DKK4: variants seen among roughly 807,000 people sequenced by gnomAD.
The protein encoded by DKK4 is dickkopf-related protein 4.
DKK4 carries 15 observed loss-of-function variants against 14.5 expected under a neutral mutation model. That is an observed-to-expected ratio of 1.03 (90% CI 0.69 to 1.59). DKK4 has a LOEUF of 1.59. DKK4 is among the 40% of genes most tolerant of loss of function. The probability of loss-of-function intolerance (pLI) is 0.00; values close to 1 mark genes in which losing one functional copy is unlikely to be tolerated. For missense variants in DKK4, 272 were observed against 280.3 expected (o/e 0.97, Z 0.21); for synonymous variants, 89 against 105.2 (o/e 0.85, Z 0.94).
Position 42,374,114 on chromosome 8 carries a change from T to C in DKK4, c.661A>G (p.Ile221Val). Residue 221 changes from isoleucine to valine, a missense_variant, in exon 4 of 4, where the codon ATA (isoleucine) becomes GTA (valine). Transcript: ENST00000220812. ...QHARLRVCQK[I>V]EKL ...TTTTGAAATATTTATAGCTTTTCTA[T>C]TTTTTGGCATACTCTTAATCGAGCA... is the stretch of plus-strand genomic sequence containing the variant. 6.2e-7 allele frequency: 1 copy of C among 1,611,506 alleles called. No individual in the cohort carries two copies. The highest frequency in any genetic ancestry group is 2.1e-4 in the Middle Eastern group (1 of 4,710).
chr8:42,374,443 C>T, intron 3 of DKK4, 84 bp from the exon 4 acceptor site: 1 of 1,541,070 alleles, frequency 6.5e-7, no homozygotes. Flanking sequence ...GGGAATGGGA[C>T]CTATGACTGA....
At chr8:42,385,646 G>A in the DKK4 span, among the ~76,000 whole-genome samples, 1 of 151,960 alleles carries the variant, frequency 6.6e-6, no homozygotes, top group Non-Finnish European at 1.5e-5. Context: ...AAAGAGTGAG[G>A]TGCACATTCA....
At chr8:42,387,924 T>C in the DKK4 span, among the ~76,000 whole-genome samples, 4 of 152,184 alleles carry the variant, frequency 2.6e-5, no homozygotes, top group Admixed American at 2.0e-4. Flanking sequence ...AGGATCTTGG[T>C]CTGTCACTCA....
intron 1 of DKK4, among the ~76,000 whole-genome samples, chr8:42,376,131 G>A (rs979706355): frequency 6.6e-6 from 1 of 152,190 alleles, no homozygotes; most frequent in Non-Finnish European, 1.5e-5. Context: ...GTCTTAACAG[G>A]TGAGTATGAG....
At chr8:42,382,914 G>A in the DKK4 span, among the ~76,000 whole-genome samples, 13 of 152,164 alleles carry the variant, frequency 8.5e-5, no homozygotes, top group Non-Finnish European at 1.5e-4. Context: ...GTCCTCCCGC[G>A]TGACAGCTGC....
the DKK4 span, among the ~76,000 whole-genome samples, chr8:42,386,981 T>TG: frequency 6.6e-6 from 1 of 152,210 alleles, no homozygotes; most frequent in Non-Finnish European, 1.5e-5. Flanking sequence ...GGGGTTACCT[T>TG]GGCTCAGCGG....
the DKK4 span, among the ~76,000 whole-genome samples, chr8:42,388,110 G>A: frequency 6.6e-6 from 1 of 152,148 alleles, no homozygotes; most frequent in Non-Finnish European, 1.5e-5. Context: ...ATGTTGCTCA[G>A]CCTACACTTG....
In DKK4 at chr8:42,376,950, C is replaced by A. The variant is rs1358195518; in HGVS notation, c.96G>T (p.Leu32=). The A allele has an allele frequency of 2.5e-6, 4 of 1,613,698 alleles. No individual in the cohort carries two copies. The highest frequency in any genetic ancestry group is 1.6e-4 in the Middle Eastern group (1 of 6,062). ...DFNNIRSSAD[L]HGARKGSQCL... The stretch of plus-strand genomic sequence containing the variant: ...GCAGCCTTACCTTCCGGGCCCCATG[C>A]AGGTCAGCAGAGCTCCTGATGTTGT... The change falls in exon 1 of 4, where the codon CTG becomes CTT. Residue 32 remains leucine, a synonymous_variant. Transcript: ENST00000220812.
chr8:42,389,663 C>CA, the DKK4 span, among the ~76,000 whole-genome samples: 42 of 152,002 alleles, frequency 2.8e-4, 1 homozygote, highest in Admixed American at 2.7e-3. Context: ...CTTTTTATTT[C>CA]AAAAAAAATT....
chr8:42,382,971 C>T, the DKK4 span, among the ~76,000 whole-genome samples: 1 of 152,158 alleles, frequency 6.6e-6, no homozygotes, highest in Admixed American at 6.5e-5. Flanking sequence ...TATTTATACT[C>T]ACTCGGGAAT....
At chr8:42,391,280 C>T in the DKK4 span, among the ~76,000 whole-genome samples, 1 of 148,584 alleles carries the variant, frequency 6.7e-6, no homozygotes, top group African/African-American at 2.5e-5. Flanking sequence ...GATCCCAGCA[C>T]TCTGGTAGGC....
upstream of DKK4, among the ~76,000 whole-genome samples, chr8:42,380,804 AAAGGAAGG>A (rs71221208): frequency 0.23 from 31,056 of 137,972 alleles, 7,273 homozygotes; most frequent in African/African-American, 0.62. Flanking sequence ...AAGAAAAAGA[AAAGGAAGG>A]AAGGAAGGAA....
intron 1 of DKK4, among the ~76,000 whole-genome samples, chr8:42,376,378 G>C (rs1161495114): frequency 6.6e-6 from 1 of 152,132 alleles, no homozygotes; most frequent in Non-Finnish European, 1.5e-5. Flanking sequence ...TACAACGTAG[G>C]TGTAGCATAT....
chr8:42,385,666 GCA>G, the DKK4 span, among the ~76,000 whole-genome samples: 2 of 152,058 alleles, frequency 1.3e-5, 1 homozygote, highest in South Asian at 4.1e-4. Flanking sequence ...AGAAGGCCCA[GCA>G]CAAAGTCCAG....
At chr8:42,381,960 G>A (rs1824686908), upstream of DKK4, among the ~76,000 whole-genome samples, 2 of 152,126 alleles carry the variant, frequency 1.3e-5, no homozygotes, top group African/African-American at 2.4e-5. Context: ...CTACACTACT[G>A]CACTCCAGCC....
At chr8:42,380,525 A>G (rs1824654021), upstream of DKK4, among the ~76,000 whole-genome samples, 1 of 149,208 alleles carries the variant, frequency 6.7e-6, no homozygotes. Flanking sequence ...AAGAAAAAAG[A>G]GAGGAAGGAA....
chr8:42,376,299 C>T (rs1824563151), intron 1 of DKK4, among the ~76,000 whole-genome samples: 1 of 152,134 alleles, frequency 6.6e-6, no homozygotes, highest in East Asian at 1.9e-4. Flanking sequence ...AATGATGCCT[C>T]ATTGACATAG....
upstream of DKK4, among the ~76,000 whole-genome samples, chr8:42,377,768 C>T (rs1380961811): frequency 2.0e-5 from 3 of 152,174 alleles, no homozygotes; most frequent in Non-Finnish European, 2.9e-5. Flanking sequence ...AAGTTGTGAA[C>T]GTAACAGCAC....
At chr8:42,390,356 T>TA in the DKK4 span, among the ~76,000 whole-genome samples, 1 of 143,558 alleles carries the variant, frequency 7.0e-6, no homozygotes, top group Non-Finnish European at 1.5e-5. Context: ...ATCTTTTGCT[T>TA]CCTTTTTTTT....
Sources: gnomAD v4.1 joint callset for allele counts (sites outside exome capture counted in the v4.1 genomes callset) on GRCh38, gnomAD v4.1.1 for gene constraint, MANE v1.5 for transcripts, NCBI Gene and HGNC (gene_info 2026-07-23, HGNC 2026-07-21) for gene names.